The following LPP variants were observed in gnomAD, a reference collection of about 807,000 sequenced individuals.
LPP encodes lipoma-preferred partner.
In LPP, 38 loss-of-function variants were observed where a neutral mutation model predicts 60.4. That is an observed-to-expected ratio of 0.63 (90% CI 0.49 to 0.83). The LOEUF is 0.83. Ranked by LOEUF, LPP falls within the 40% of genes least tolerant of loss-of-function variation. The pLI is 0.00. For synonymous variants in LPP, 328 were observed against 290.8 expected, an observed-to-expected ratio of 1.13 and a Z score of -1.30; for missense variants, 902 against 783.6, an observed-to-expected ratio of 1.15 and a Z score of -1.80.
At chr3:188,484,451 C>G in intron 4 of LPP, 141 bp from the exon 5 acceptor site, 1 of 600,762 alleles carries the variant, frequency 1.7e-6, no homozygotes, top group Non-Finnish European at 3.0e-6. Context: ...ACTAATTAAA[C>G]TAAGATGGGG....
At chr3:188,560,823 T>A (rs1351482602) in intron 6 of LPP, among the ~76,000 whole-genome samples, 2 of 152,122 alleles carry the variant, frequency 1.3e-5, no homozygotes, top group Non-Finnish European at 2.9e-5. Flanking sequence ...ATTTACCTAA[T>A]ATCTGGGAGT....
intron 7 of LPP, among the ~76,000 whole-genome samples, chr3:188,648,531 C>A (rs1396798537): frequency 6.6e-6 from 1 of 152,138 alleles, no homozygotes; most frequent in Non-Finnish European, 1.5e-5. Flanking sequence ...ATCCAGACAC[C>A]CAGATATCAT....
At chr3:188,805,388 T>C (rs562159718) in intron 9 of LPP, among the ~76,000 whole-genome samples, 1 of 152,112 alleles carries the variant, frequency 6.6e-6, no homozygotes, top group African/African-American at 2.4e-5. Flanking sequence ...TTGCATCTCT[T>C]AGAAAATTGG....
Position 188,165,065 on chromosome 3 carries a change from A to G in LPP, c.-190+10813A>G, listed in dbSNP as rs1719524109. Among the ~76,000 whole-genome samples, 6 of 152,168 alleles carry G rather than the reference A, an allele frequency of 3.9e-5. No homozygotes were observed. In the South Asian group the frequency reaches 1.2e-3, roughly 32 times the overall value. On this transcript the variant is annotated intron_variant, in intron 1 of 11. Coordinates refer to ENST00000617246, the MANE Select transcript of LPP (RefSeq NM_001375462.1). ...GGCAGGAGGATCACTTGAGGCCCGG[A>G]GTTCAAGACCATCCTGGGTAATATA...
intron 4 of LPP, among the ~76,000 whole-genome samples, chr3:188,450,307 C>T (rs959162763): frequency 3.3e-5 from 5 of 152,150 alleles, no homozygotes; most frequent in African/African-American, 1.2e-4. Context: ...GCTCAGTGAG[C>T]AGGCATAGAA....
chr3:188,237,672 T>TC (rs915390385), intron 2 of LPP, among the ~76,000 whole-genome samples: 5 of 151,980 alleles, frequency 3.3e-5, no homozygotes, highest in Non-Finnish European at 5.9e-5. Context: ...CTTTTTTTTT[T>TC]CCCTCTTTTC....
chr3:188,308,642 G>A (rs537714491), intron 2 of LPP, among the ~76,000 whole-genome samples: 1 of 152,252 alleles, frequency 6.6e-6, no homozygotes, highest in Admixed American at 6.5e-5. Flanking sequence ...ATTGTGTCAC[G>A]ATGAAGCAAC....
At chr3:188,407,869 C>T (rs1410086644) in intron 4 of LPP, among the ~76,000 whole-genome samples, 4 of 137,094 alleles carry the variant, frequency 2.9e-5, no homozygotes, top group Admixed American at 8.5e-5. Context: ...CGGCTCACTG[C>T]AACCTCCGCT....
chr3:188,263,965 A>T (rs904425454), intron 2 of LPP, among the ~76,000 whole-genome samples: 2 of 152,140 alleles, frequency 1.3e-5, no homozygotes, highest in Non-Finnish European at 2.9e-5. Context: ...ACAGACTTTT[A>T]TGGAGGGTCT....
intron 3 of LPP, among the ~76,000 whole-genome samples, chr3:188,353,082 A>G (rs1319797411): frequency 6.6e-6 from 1 of 152,218 alleles, no homozygotes; most frequent in Non-Finnish European, 1.5e-5. Context: ...AGAGCCGTTC[A>G]TTGTCAGTAC....
At chr3:188,549,655 G>T (rs1156620502) in intron 6 of LPP, among the ~76,000 whole-genome samples, 1 of 152,132 alleles carries the variant, frequency 6.6e-6, no homozygotes, top group Non-Finnish European at 1.5e-5. Context: ...AGAGAAAAGA[G>T]TGATAAACCC....
At chr3:188,667,489 AC>A (rs1378614295) in intron 7 of LPP, among the ~76,000 whole-genome samples, 2 of 151,038 alleles carry the variant, frequency 1.3e-5, no homozygotes, top group East Asian at 1.9e-4. Flanking sequence ...AAAAAAAAAA[AC>A]ATCTTTGGTA....
chr3:188,158,168 C>T (rs1462303740), intron 1 of LPP, among the ~76,000 whole-genome samples: 1 of 152,018 alleles, frequency 6.6e-6, no homozygotes, highest in Admixed American at 6.6e-5. Context: ...GAACCTGGGA[C>T]TTTGACCCTG....
At chr3:188,829,110 T>G (rs937936374) in intron 9 of LPP, among the ~76,000 whole-genome samples, 2 of 152,156 alleles carry the variant, frequency 1.3e-5, no homozygotes, top group Non-Finnish European at 2.9e-5. Flanking sequence ...GAGAAACAAA[T>G]GGGATACTGT....
intron 3 of LPP, among the ~76,000 whole-genome samples, chr3:188,356,400 C>T (rs925826191): frequency 6.6e-6 from 1 of 152,136 alleles, no homozygotes. Flanking sequence ...AATTTTTAAA[C>T]TTATGCTCTA....
chr3:188,695,028 G>A (rs1272871873), intron 7 of LPP, among the ~76,000 whole-genome samples: 3 of 152,064 alleles, frequency 2.0e-5, no homozygotes, highest in Non-Finnish European at 2.9e-5. Flanking sequence ...TCAAATCCCA[G>A]GTTCTCCACT....
rs74885245 is a variant in LPP, at chr3:188,820,538, A to G, written c.1411-45662A>G. On this transcript the variant is annotated intron_variant, in intron 9 of 11. Coordinates refer to ENST00000617246, the MANE Select transcript of LPP (RefSeq NM_001375462.1). The stretch of plus-strand genomic sequence containing the variant: ...TTCTTGTCCAAAAGCCTACTTTCAT[A>G]TATGTGAATGTGAATTCCTACATTC... 2.7e-4 allele frequency among the ~76,000 whole-genome samples: 41 copies of G among 152,260 alleles called. 1 individual carries two copies. In the South Asian group the frequency reaches 8.1e-3, roughly 30 times the overall value.
At chr3:188,518,117 C>T (rs1179848069) in intron 5 of LPP, among the ~76,000 whole-genome samples, 2 of 152,122 alleles carry the variant, frequency 1.3e-5, no homozygotes, top group Non-Finnish European at 2.9e-5. Flanking sequence ...GCCAAATAAA[C>T]CTCTTCTCTT....
In LPP at chr3:188,318,753, C is replaced by CTTTTTTTTTTTTTT. The variant is rs10708836; in HGVS notation, c.-66-22900_-66-22887dup. On this transcript the variant is annotated intron_variant, in intron 2 of 11. Coordinates refer to ENST00000617246, the MANE Select transcript of LPP (RefSeq NM_001375462.1). ...AAAAAATTGAAAAAAAATTATGATT[C>CTTTTTTTTTTTTTT]TTTTTTTTTTTTTTTTTTTTTTTGA... is the stretch of plus-strand genomic sequence containing the variant. Among the ~76,000 whole-genome samples, 92 of 96,830 alleles carry CTTTTTTTTTTTTTT rather than the reference C, an allele frequency of 9.5e-4. 1 individual carries two copies. Among genetic ancestry groups the CTTTTTTTTTTTTTT allele is most frequent in the Non-Finnish European group, 1.5e-3 (78 of 52,620 alleles). 63.5% of individuals were successfully genotyped at this position (96,830 alleles called of 152,430 possible).
Sources: gnomAD v4.1 joint callset for allele counts (sites outside exome capture counted in the v4.1 genomes callset) on GRCh38, gnomAD v4.1.1 for gene constraint, MANE v1.5 for transcripts, NCBI Gene and HGNC (gene_info 2026-07-23, HGNC 2026-07-21) for gene names.